SUGCT: variants seen among roughly 807,000 people sequenced by gnomAD.
SUGCT encodes the protein succinyl-CoA:glutarate-CoA transferase.
SUGCT carries 41 observed loss-of-function variants against 55.0 expected under a neutral mutation model. The ratio of observed to expected loss-of-function variants is 0.74; its 90% CI spans 0.58 to 0.97. The LOEUF (loss-of-function observed/expected upper bound fraction) is 0.97, where lower values mean the gene tolerates loss of function less well. SUGCT is among the 50% of genes least tolerant of loss of function. The pLI, the probability that SUGCT is intolerant of heterozygous loss-of-function variation, is 0.00. For missense variants in SUGCT, 568 were observed against 547.8 expected (o/e 1.04, Z -0.37); for synonymous variants, 187 against 200.4 (o/e 0.93, Z 0.56).
chr7:40,534,052 A>G (rs1204285471), intron 12 of SUGCT, among the ~76,000 whole-genome samples: 1 of 152,216 alleles, frequency 6.6e-6, no homozygotes, highest in Non-Finnish European at 1.5e-5. Context: ...TGTTAATGGC[A>G]TAAGCTTAGG....
chr7:40,500,304 T>C (rs1792207945), intron 12 of SUGCT, among the ~76,000 whole-genome samples: 1 of 152,138 alleles, frequency 6.6e-6, no homozygotes, highest in African/African-American at 2.4e-5. Flanking sequence ...AAGTCGAATA[T>C]ATCAGGTGTA....
chr7:40,242,906 CATATATATATATATAT>C (rs1159693206), intron 7 of SUGCT, among the ~76,000 whole-genome samples: 5 of 32,232 alleles, frequency 1.6e-4, no homozygotes, highest in East Asian at 2.6e-3. Flanking sequence ...TGCTATGTGG[CATATATATATATATAT>C]ATATATATAT....
rs138190311 is a variant in SUGCT, at chr7:40,733,114, G to A, written c.1090-16320G>A. ...AAGAAATTGTGAGCCAAGTCAGCTGGGAACACAGATGTGTCTGAGAGAAGC... is the reference window on the plus strand; with the variant it reads ...AAGAAATTGTGAGCCAAGTCAGCTGAGAACACAGATGTGTCTGAGAGAAGC... On this transcript the variant is annotated intron_variant, in intron 12 of 13. Transcript: ENST00000335693. 3.6e-3 allele frequency among the ~76,000 whole-genome samples: 554 copies of A among 152,244 alleles called. 3 individuals carry two copies. The highest frequency in any genetic ancestry group is 0.012 in the African/African-American group (509 of 41,542).
At chr7:40,995,238 G>A in the SUGCT span, among the ~76,000 whole-genome samples, 1 of 152,054 alleles carries the variant, frequency 6.6e-6, no homozygotes, top group African/African-American at 2.4e-5. Context: ...CATTTAGCCA[G>A]TGGATTCTGT....
chr7:40,208,547 G>T (rs778563873), intron 6 of SUGCT, among the ~76,000 whole-genome samples: 6 of 151,852 alleles, frequency 4.0e-5, no homozygotes, highest in Admixed American at 6.6e-5. Flanking sequence ...TCTTGTTCAA[G>T]AATAAATTGA....
At chr7:40,474,422 T>G (rs974073283) in intron 11 of SUGCT, among the ~76,000 whole-genome samples, 3 of 152,182 alleles carry the variant, frequency 2.0e-5, no homozygotes, top group Admixed American at 6.6e-5. Context: ...TTTGGAATCA[T>G]GTAACCAGAG....
chr7:40,173,045 T>C (rs1435993183), intron 1 of SUGCT, among the ~76,000 whole-genome samples: 1 of 152,186 alleles, frequency 6.6e-6, no homozygotes, highest in Non-Finnish European at 1.5e-5. Context: ...CATGATATGG[T>C]GGCAGGCTGC....
chr7:40,480,010 CTT>C (rs376033931), intron 11 of SUGCT, among the ~76,000 whole-genome samples: 1 of 152,004 alleles, frequency 6.6e-6, no homozygotes. Flanking sequence ...TGTACAGAGA[CTT>C]TTTAGTTTGA....
chr7:40,725,639 A>C (rs758032518), intron 12 of SUGCT, among the ~76,000 whole-genome samples: 3 of 150,192 alleles, frequency 2.0e-5, no homozygotes, highest in African/African-American at 7.4e-5. Context: ...TTTGTCCCCT[A>C]TGAGGAAGCT....
chr7:40,912,126 T>C, the SUGCT span, among the ~76,000 whole-genome samples: 3 of 152,230 alleles, frequency 2.0e-5, no homozygotes, highest in Non-Finnish European at 2.9e-5. Context: ...AGCTTGCTTT[T>C]TTTTTCTTGA....
chr7:40,360,048 C>G (rs1798072886), intron 9 of SUGCT, among the ~76,000 whole-genome samples: 1 of 152,146 alleles, frequency 6.6e-6, no homozygotes, highest in Admixed American at 6.5e-5. Context: ...GAGTCTCACT[C>G]TGTCGCCCAG....
the SUGCT span, among the ~76,000 whole-genome samples, chr7:40,885,139 G>A: frequency 1.8e-4 from 27 of 152,244 alleles, no homozygotes; most frequent in African/African-American, 6.3e-4. Context: ...AATAGTGGCC[G>A]AGGTTATGGT....
intron 12 of SUGCT, chr7:40,538,706 A>G (rs145522544): frequency 6.6e-6 from 1 of 152,342 alleles, no homozygotes; most frequent in East Asian, 1.9e-4. Context: ...TTTTAAAGAA[A>G]TGTTTCTGAA....
At chr7:40,168,028 C>T (rs566947855) in intron 1 of SUGCT, among the ~76,000 whole-genome samples, 2 of 152,290 alleles carry the variant, frequency 1.3e-5, no homozygotes, top group East Asian at 1.9e-4. Flanking sequence ...TGCTCTCAGG[C>T]GATATATGAT....
At chr7:40,866,503 C>T in the SUGCT span, among the ~76,000 whole-genome samples, 3 of 150,214 alleles carry the variant, frequency 2.0e-5, no homozygotes, top group South Asian at 6.5e-4. Flanking sequence ...TCTAGGATTG[C>T]CTCTTCATAT....
At chr7:40,817,249 C>A (rs10233069) in intron 13 of SUGCT, among the ~76,000 whole-genome samples, 50,000 of 152,040 alleles carry the variant, frequency 0.33, 8,807 homozygotes, top group East Asian at 0.53. Flanking sequence ...GGGGAACTTA[C>A]ATTTTTGGAG....
rs545990631 is a variant in SUGCT, at chr7:40,561,853, G to A, written c.1089+65467G>A. Among the ~76,000 whole-genome samples, 20 of 151,328 alleles carry A rather than the reference G, an allele frequency of 1.3e-4. No homozygotes were observed. In the East Asian group the frequency reaches 4.0e-3, roughly 30 times the overall value. Reference sequence around the variant, plus strand: ...ATTACAGGTGCACACCACCATGCCTGGTTAATTTTTGTATTTTTAGAAGAG... The same window carrying A: ...ATTACAGGTGCACACCACCATGCCTAGTTAATTTTTGTATTTTTAGAAGAG... On this transcript the variant is annotated intron_variant, in intron 12 of 13. Transcript: ENST00000335693.
At chr7:40,317,461 C>G (rs1040408173) in intron 9 of SUGCT, among the ~76,000 whole-genome samples, 1 of 152,174 alleles carries the variant, frequency 6.6e-6, no homozygotes, top group Non-Finnish European at 1.5e-5. Context: ...AATCCAGTTG[C>G]TTGGTCCAGT....
At chr7:40,995,712 T>A in the SUGCT span, among the ~76,000 whole-genome samples, 9 of 152,236 alleles carry the variant, frequency 5.9e-5, no homozygotes, top group East Asian at 1.7e-3. Context: ...AGCATTTCTA[T>A]ATGTGGAGAA....
Sources: gnomAD v4.1 joint callset for allele counts (sites outside exome capture counted in the v4.1 genomes callset) on GRCh38, gnomAD v4.1.1 for gene constraint, MANE v1.5 for transcripts, NCBI Gene and HGNC (gene_info 2026-07-23, HGNC 2026-07-21) for gene names.